The following HOOK3 variants were observed in gnomAD, a reference collection of about 807,000 sequenced individuals.
HOOK3 encodes protein Hook homolog 3.
Under a neutral mutation model 116.3 loss-of-function variants are expected in HOOK3, and 24 were observed. The observed-to-expected ratio is 0.21, with a 90% CI of 0.15 to 0.29. The LOEUF (loss-of-function observed/expected upper bound fraction) is 0.29. Ranked by LOEUF, HOOK3 falls within the 10% of genes least tolerant of loss-of-function variation. The pLI is 1.00. For missense variants in HOOK3, 632 were observed against 830.2 expected (o/e 0.76, Z 2.93); for synonymous variants, 275 against 283.0 (o/e 0.97, Z 0.28).
At chr8:42,903,182 CTCT>C (rs1412562720) in intron 1 of HOOK3, among the ~76,000 whole-genome samples, 1 of 152,100 alleles carries the variant, frequency 6.6e-6, no homozygotes, top group Non-Finnish European at 1.5e-5. Context: ...TGGAAGGATC[CTCT>C]TATCAGCTTT....
intron 5 of HOOK3, among the ~76,000 whole-genome samples, chr8:42,947,395 T>C (rs145283316): frequency 6.6e-6 from 1 of 152,288 alleles, no homozygotes; most frequent in East Asian, 1.9e-4. Context: ...CTGTTGAGAG[T>C]CAGCTAATTG....
intron 19 of HOOK3, among the ~76,000 whole-genome samples, chr8:43,010,998 TC>T (rs200090999): frequency 1.0e-3 from 157 of 151,662 alleles, no homozygotes; most frequent in African/African-American, 3.5e-3. Flanking sequence ...GGGTCCATTT[TC>T]TTTTTTTTTT....
chr8:42,997,550 G>A lies in HOOK3; in HGVS notation c.1533G>A (p.Arg511=), dbSNP rs377220961. The A allele has an allele frequency of 5.2e-5, 82 of 1,590,556 alleles. No homozygotes were observed. The highest frequency in any genetic ancestry group is 5.9e-5 in the Non-Finnish European group (69 of 1,163,188). Residue 511 remains arginine, a splice_region_variant and synonymous_variant, in exon 16 of 22, where the codon AGG becomes AGA. Coordinates refer to ENST00000307602, the MANE Select transcript of HOOK3 (RefSeq NM_032410.4). ...LRKNELETEN[R]LVNQRLLEVQ... ...AAATTAATGTACATTTCATTTCTAGGCTGGTGAATCAAAGACTTCTGGAAG... is the reference window on the plus strand; with the variant it reads ...AAATTAATGTACATTTCATTTCTAGACTGGTGAATCAAAGACTTCTGGAAG...
At chr8:42,919,810 T>C (rs927379880) in intron 2 of HOOK3, among the ~76,000 whole-genome samples, 14 of 152,124 alleles carry the variant, frequency 9.2e-5, no homozygotes, top group Admixed American at 9.2e-4. Context: ...GGCGTGGCGG[T>C]GCGCGCCTGC....
At chr8:42,966,704 G>C in intron 10 of HOOK3, 91 bp downstream of exon 10, 1 of 1,408,070 alleles carries the variant, frequency 7.1e-7, no homozygotes, top group Non-Finnish European at 9.7e-7. Context: ...TAAGAGCCAG[G>C]CTACCTGGGC....
intron 2 of HOOK3, among the ~76,000 whole-genome samples, chr8:42,910,818 G>A (rs1807411807): frequency 6.6e-6 from 1 of 152,186 alleles, no homozygotes; most frequent in Non-Finnish European, 1.5e-5. Context: ...GGTAAGTGGG[G>A]AAAACATTTT....
intron 15 of HOOK3, among the ~76,000 whole-genome samples, chr8:42,990,497 G>A (rs1034760921): frequency 6.6e-6 from 1 of 150,600 alleles, no homozygotes; most frequent in Non-Finnish European, 1.5e-5. Context: ...GTCCACCATG[G>A]CTAGCTAATT....
At chr8:42,911,759 G>A (rs1175442098) in intron 2 of HOOK3, among the ~76,000 whole-genome samples, 4 of 152,124 alleles carry the variant, frequency 2.6e-5, no homozygotes, top group Non-Finnish European at 5.9e-5. Flanking sequence ...TTTAACTTAA[G>A]CAAATACACT....
intron 1 of HOOK3, among the ~76,000 whole-genome samples, chr8:42,897,642 C>T (rs1807047207): frequency 6.6e-6 from 1 of 152,196 alleles, no homozygotes; most frequent in Admixed American, 6.5e-5. Flanking sequence ...TGCAAGGCAC[C>T]GCTGGCGGTG....
intron 11 of HOOK3, among the ~76,000 whole-genome samples, chr8:42,970,264 C>T (rs1415680999): frequency 6.6e-6 from 1 of 152,170 alleles, no homozygotes; most frequent in African/African-American, 2.4e-5. Flanking sequence ...TATTTCTGGA[C>T]ACTTTCTTCT....
intron 13 of HOOK3, among the ~76,000 whole-genome samples, chr8:42,980,364 T>TACA (rs1808915815): frequency 6.6e-6 from 1 of 152,114 alleles, no homozygotes; most frequent in Non-Finnish European, 1.5e-5. Flanking sequence ...ACTATCACAT[T>TACA]TGTTTCTTTG....
chr8:42,997,029 C>G (rs1443780632), intron 15 of HOOK3, among the ~76,000 whole-genome samples: 3 of 151,576 alleles, frequency 2.0e-5, no homozygotes, highest in Non-Finnish European at 2.9e-5. Context: ...ACCTCATCCC[C>G]ACAAGTAGCT....
chr8:42,897,415 C>T (rs1807028526), intron 1 of HOOK3: 4 of 292,888 alleles, frequency 1.4e-5, no homozygotes, highest in Non-Finnish European at 2.5e-5. Flanking sequence ...GGGAACGCGG[C>T]GGGCGACTCT....
chr8:42,980,506 G>A (rs1354451937), intron 13 of HOOK3, among the ~76,000 whole-genome samples: 3 of 152,090 alleles, frequency 2.0e-5, no homozygotes, highest in African/African-American at 7.2e-5. Context: ...AAAGCATGAG[G>A]ACTCTGCCCT....
chr8:42,996,385 C>CAAAAAAAAAAAAAAAAAA (rs529268164), intron 15 of HOOK3, among the ~76,000 whole-genome samples: 1 of 55,948 alleles, frequency 1.8e-5, no homozygotes, highest in Non-Finnish European at 3.9e-5. Context: ...GACTCCGTCT[C>CAAAAAAAAAAAAAAAAAA]AAAAAAAAAA....
intron 15 of HOOK3, among the ~76,000 whole-genome samples, chr8:42,996,507 G>C (rs897556001): frequency 6.6e-6 from 1 of 152,168 alleles, no homozygotes; most frequent in Non-Finnish European, 1.5e-5. Context: ...CTGATTACAG[G>C]ATAATCCCAG....
At chr8:43,009,034 G>A (rs933426992) in intron 18 of HOOK3, among the ~76,000 whole-genome samples, 4 of 152,088 alleles carry the variant, frequency 2.6e-5, no homozygotes, top group Non-Finnish European at 5.9e-5. Flanking sequence ...AATTTGGCAG[G>A]CCAAGGTAGG....
intron 21 of HOOK3, 100 bp downstream of exon 21, chr8:43,013,500 G>A: frequency 1.1e-6 from 1 of 948,994 alleles, no homozygotes; most frequent in Non-Finnish European, 1.5e-6. Flanking sequence ...AAATGAATCT[G>A]AAAGTAACTG....
intron 7 of HOOK3, among the ~76,000 whole-genome samples, chr8:42,958,596 GTTTT>G (rs71550434): frequency 9.4e-6 from 1 of 106,368 alleles, no homozygotes; most frequent in African/African-American, 3.4e-5. Flanking sequence ...GTTTTTGATA[GTTTT>G]TTTTTTTTTT....
Sources: gnomAD v4.1 joint callset for allele counts (sites outside exome capture counted in the v4.1 genomes callset) on GRCh38, gnomAD v4.1.1 for gene constraint, MANE v1.5 for transcripts, NCBI Gene and HGNC (gene_info 2026-07-23, HGNC 2026-07-21) for gene names.